Variants in PRKAR1B observed in about 807,000 individuals in gnomAD.
PRKAR1B encodes the protein protein kinase cAMP-dependent type I regulatory subunit beta.
A neutral mutation model predicts 46.5 loss-of-function variants in PRKAR1B; 22 were observed. That is an observed-to-expected ratio of 0.47 (90% CI 0.34 to 0.68). The LOEUF is 0.68. Ranked by LOEUF, PRKAR1B falls within the 30% of genes least tolerant of loss-of-function variation. The pLI is 0.01. For synonymous variants in PRKAR1B, 259 were observed against 217.7 expected (o/e 1.19, Z -1.67); for missense variants, 445 against 535.6 (o/e 0.83, Z 1.67).
intron 1 of PRKAR1B, chr7:726,576 C>A (rs1441440518): frequency 1.8e-6 from 1 of 548,604 alleles, no homozygotes; most frequent in South Asian, 1.1e-4. Context: ...CGGGCGAGCA[C>A]GACAAGAGCA....
intron 6 of PRKAR1B, among the ~76,000 whole-genome samples, chr7:604,838 G>GGGGCAGGTGGACAAGGAGAA (rs1038637790): frequency 1.3e-5 from 2 of 152,120 alleles, no homozygotes; most frequent in African/African-American, 2.4e-5. Flanking sequence ...GCCACCTCCT[G>GGGGCAGGTGGACAAGGAGAA]GGGCAGGTGG....
chr7:646,825 C>T (rs1438261651), intron 4 of PRKAR1B, among the ~76,000 whole-genome samples: 1 of 152,222 alleles, frequency 6.6e-6, no homozygotes, highest in Non-Finnish European at 1.5e-5. Context: ...TTAAATTGGC[C>T]ATCCGCCCGA....
intron 2 of PRKAR1B, among the ~76,000 whole-genome samples, chr7:705,368 G>C (rs1583444666): frequency 1.4e-5 from 2 of 145,222 alleles, no homozygotes; most frequent in Admixed American, 1.4e-4. Context: ...ATACCTATTA[G>C]AATGGCTAAA....
At chr7:561,309 G>A (rs1313918040) in intron 9 of PRKAR1B, among the ~76,000 whole-genome samples, 1 of 152,170 alleles carries the variant, frequency 6.6e-6, no homozygotes, top group East Asian at 1.9e-4. Context: ...GAGGATGCAA[G>A]CAGCCCCTGC....
At chr7:631,938 C>T (rs1783770190) in intron 4 of PRKAR1B, among the ~76,000 whole-genome samples, 1 of 143,156 alleles carries the variant, frequency 7.0e-6, no homozygotes, top group South Asian at 2.5e-4. Context: ...GCCTGAGCGA[C>T]ACAGCAAGAC....
At chr7:635,660 G>A (rs985661227) in intron 4 of PRKAR1B, among the ~76,000 whole-genome samples, 1 of 152,130 alleles carries the variant, frequency 6.6e-6, no homozygotes, top group Non-Finnish European at 1.5e-5. Flanking sequence ...TAGGAAAAAG[G>A]GCTTCTCCCT....
At chr7:557,241 T>C (rs1455677189) in intron 9 of PRKAR1B, among the ~76,000 whole-genome samples, 1 of 152,066 alleles carries the variant, frequency 6.6e-6, no homozygotes, top group African/African-American at 2.4e-5. Flanking sequence ...TGGGTTCGAA[T>C]CCCTTCCTCA....
chr7:651,250 G>C (rs1056801913), intron 4 of PRKAR1B, among the ~76,000 whole-genome samples: 1 of 152,220 alleles, frequency 6.6e-6, no homozygotes, highest in East Asian at 1.9e-4. Context: ...GTGATTGCAA[G>C]GGGCAAACCA....
chr7:647,707 G>A (rs1374904451), intron 4 of PRKAR1B, among the ~76,000 whole-genome samples: 1 of 150,552 alleles, frequency 6.6e-6, no homozygotes, highest in Non-Finnish European at 1.5e-5. Context: ...TCAGGAGGCT[G>A]AGGCAGGAGA....
chr7:563,357 A>G (rs752711613), intron 9 of PRKAR1B, among the ~76,000 whole-genome samples: 9 of 152,212 alleles, frequency 5.9e-5, no homozygotes, highest in Non-Finnish European at 8.8e-5. Context: ...TGCAGACACC[A>G]TTCCTTAGGC....
At chr7:580,778 C>T (rs1780135873) in intron 8 of PRKAR1B, among the ~76,000 whole-genome samples, 1 of 149,330 alleles carries the variant, frequency 6.7e-6, no homozygotes, top group Non-Finnish European at 1.5e-5. Flanking sequence ...CGTTTCCTGG[C>T]CTATACAAAT....
intron 9 of PRKAR1B, among the ~76,000 whole-genome samples, chr7:569,325 C>G (rs1337146203): frequency 6.6e-6 from 1 of 152,186 alleles, no homozygotes; most frequent in Non-Finnish European, 1.5e-5. Flanking sequence ...CAATTCACAT[C>G]GAAACTCACT....
At chr7:675,272 C>T (rs577158450) in intron 4 of PRKAR1B, among the ~76,000 whole-genome samples, 8 of 152,326 alleles carry the variant, frequency 5.3e-5, no homozygotes, top group African/African-American at 9.6e-5. Context: ...CCATCACTGG[C>T]GAGGAGCACA....
intron 9 of PRKAR1B, among the ~76,000 whole-genome samples, chr7:572,881 GAC>G (rs1779605069): frequency 6.6e-6 from 1 of 152,254 alleles, no homozygotes; most frequent in Non-Finnish European, 1.5e-5. Context: ...GAGGAAGAAT[GAC>G]AGTGAGCAGA....
intron 4 of PRKAR1B, among the ~76,000 whole-genome samples, chr7:652,757 A>G (rs975510691): frequency 1.3e-5 from 2 of 152,218 alleles, no homozygotes; most frequent in African/African-American, 4.8e-5. Flanking sequence ...TTCCCAACCC[A>G]TTCAATAAGG....
intron 9 of PRKAR1B, chr7:565,609 C>T (rs1489364103): frequency 6.6e-6 from 1 of 152,252 alleles, no homozygotes; most frequent in Non-Finnish European, 1.5e-5. Context: ...CATCCCGTGG[C>T]TGCAAATTAA....
intron 4 of PRKAR1B, among the ~76,000 whole-genome samples, chr7:652,986 A>G (rs1176677425): frequency 1.3e-5 from 2 of 152,142 alleles, no homozygotes; most frequent in Admixed American, 1.3e-4. Flanking sequence ...CAGGGATGCC[A>G]CTGGCCAGGA....
chr7:715,961 C>T (rs889318309), intron 1 of PRKAR1B, among the ~76,000 whole-genome samples: 2 of 152,106 alleles, frequency 1.3e-5, no homozygotes, highest in African/African-American at 2.4e-5. Context: ...GTGATCCGCC[C>T]GCCTTGGCCT....
intron 4 of PRKAR1B, among the ~76,000 whole-genome samples, chr7:619,432 A>G (rs1782998234): frequency 6.6e-6 from 1 of 152,244 alleles, no homozygotes; most frequent in African/African-American, 2.4e-5. Context: ...CTTGTGGCAT[A>G]TATGATCATC....
Sources: allele counts gnomAD v4.1 joint callset (sites outside exome capture counted in the v4.1 genomes callset), GRCh38; gene constraint gnomAD v4.1.1; transcripts MANE v1.5; gene names NCBI Gene and HGNC (gene_info 2026-07-23, HGNC 2026-07-21).